The following ALDH1L1 variants were observed in gnomAD, a reference collection of about 807,000 sequenced individuals.
The protein encoded by ALDH1L1 is aldehyde dehydrogenase 1 family member L1.
ALDH1L1 carries 68 observed loss-of-function variants against 101.1 expected under a neutral mutation model. The observed-to-expected ratio is 0.67, with a 90% CI of 0.55 to 0.82. ALDH1L1 has a LOEUF of 0.82. Ranked by LOEUF, ALDH1L1 falls within the 40% of genes least tolerant of loss-of-function variation. The pLI is 0.00. For missense variants in ALDH1L1, 1,087 were observed against 1,172.7 expected (o/e 0.93, Z 1.07); for synonymous variants, 486 against 470.8 (o/e 1.03, Z -0.42).
chr3:126,107,293 G>C, intron 20 of ALDH1L1, 47 bp from the exon 21 acceptor site: 1 of 1,494,142 alleles, frequency 6.7e-7, no homozygotes, highest in Admixed American at 1.7e-5. Context: ...CACGGTGCCC[G>C]ATGGTCCAGC....
At chr3:126,118,654 T>C (rs924579588) in intron 16 of ALDH1L1, among the ~76,000 whole-genome samples, 1 of 152,118 alleles carries the variant, frequency 6.6e-6, no homozygotes, top group Non-Finnish European at 1.5e-5. Flanking sequence ...CTTTTCACCA[T>C]CAGGCAGACC....
At chr3:126,130,365 C>T in intron 13 of ALDH1L1, 72 bp from the exon 14 acceptor site, 1 of 1,362,924 alleles carries the variant, frequency 7.3e-7, no homozygotes. Flanking sequence ...CAGCAAGTCT[C>T]CACCAGGGTC....
chr3:126,158,463 A>G lies in ALDH1L1; in HGVS notation c.304T>C (p.Ser102Pro), dbSNP rs750297538. 1 of 1,613,566 alleles carries G rather than the reference A, an allele frequency of 6.2e-7. No homozygotes were observed. Among genetic ancestry groups the G allele is most frequent in the South Asian group, 1.1e-5 (1 of 90,938 alleles). ...AGCAGTGACGGGTGATAGATGATGG[A>G]GCCATGCCGGGGGGCACTGATTATC... ...MEIISAPRHG[S>P]IIYHPSLLPR... The change falls in exon 3 of 23, where the codon TCC becomes CCC. Residue 102 changes from serine to proline, a missense_variant. By Grantham distance (74) the Ser-to-Pro change is moderately conservative. Transcript: ENST00000393434.
upstream of ALDH1L1, chr3:126,181,230 G>GTGATAATT: frequency 1.7e-6 from 1 of 591,000 alleles, no homozygotes; most frequent in Non-Finnish European, 3.0e-6. Flanking sequence ...CCCGGTCTCA[G>GTGATAATT]GCAAGGCCAT....
At chr3:126,180,823 G>A, upstream of ALDH1L1, 1 of 1,538,234 alleles carries the variant, frequency 6.5e-7, no homozygotes, top group Non-Finnish European at 8.7e-7. Flanking sequence ...AGAATTCCCA[G>A]GGCTTTGAAA....
chr3:126,125,250 G>A (rs2080158213), intron 15 of ALDH1L1, among the ~76,000 whole-genome samples: 1 of 152,216 alleles, frequency 6.6e-6, no homozygotes, highest in Non-Finnish European at 1.5e-5. Context: ...AGCCACATAA[G>A]GGACATGGCA....
At chr3:126,169,358 A>G (rs1349440620) in intron 1 of ALDH1L1, among the ~76,000 whole-genome samples, 1 of 152,204 alleles carries the variant, frequency 6.6e-6, no homozygotes, top group African/African-American at 2.4e-5. Flanking sequence ...TTAAAGGACA[A>G]CACTACAGTT....
upstream of ALDH1L1, among the ~76,000 whole-genome samples, chr3:126,186,175 A>G (rs559889798): frequency 1.3e-5 from 2 of 152,370 alleles, no homozygotes; most frequent in East Asian, 3.9e-4. Context: ...TTAAAATGGT[A>G]AATTTTGGGT....
intron 18 of ALDH1L1, 91 bp from the exon 19 acceptor site, chr3:126,112,971 G>A: frequency 2.6e-6 from 3 of 1,149,420 alleles, no homozygotes; most frequent in Non-Finnish European, 3.8e-6. Context: ...CTTCTAATTA[G>A]GAAAGGAGGC....
intron 14 of ALDH1L1, among the ~76,000 whole-genome samples, chr3:126,126,965 T>C (rs1329145478): frequency 6.6e-6 from 1 of 152,170 alleles, no homozygotes; most frequent in Non-Finnish European, 1.5e-5. Flanking sequence ...GGGGTCTCCC[T>C]GCAAGCCAAG....
At chr3:126,164,318 T>C (rs2081120968) in intron 1 of ALDH1L1, among the ~76,000 whole-genome samples, 1 of 152,224 alleles carries the variant, frequency 6.6e-6, no homozygotes, top group South Asian at 2.1e-4. Flanking sequence ...GTTTGATATA[T>C]GAACATATTG....
Position 126,103,771 on chromosome 3 carries a change from C to T in ALDH1L1, c.*20G>A. 6.2e-7 allele frequency: 1 copy of T among 1,612,354 alleles called. No individual in the cohort carries two copies. Among genetic ancestry groups the T allele is most frequent in the Non-Finnish European group, 8.5e-7 (1 of 1,179,206 alleles). ...GCCACGAGGGAGGGGCAGGGACTTTCTTCTCACAAAGACCTTTCTTCAGTA... is the reference window on the plus strand; with the variant it reads ...GCCACGAGGGAGGGGCAGGGACTTTTTTCTCACAAAGACCTTTCTTCAGTA... On this transcript the variant is annotated 3_prime_UTR_variant, in exon 23 of 23. Coordinates refer to ENST00000393434, the MANE Select transcript of ALDH1L1 (RefSeq NM_012190.4).
At chr3:126,153,268 C>T in intron 7 of ALDH1L1, 176 bp downstream of exon 7, 1 of 935,956 alleles carries the variant, frequency 1.1e-6, no homozygotes, top group Non-Finnish European at 1.7e-6. Flanking sequence ...GCCTCGGACA[C>T]CCTGTGCTCA....
chr3:126,195,540 G>A (rs1007813598), intron 1 of ALDH1L1, among the ~76,000 whole-genome samples: 1 of 152,202 alleles, frequency 6.6e-6, no homozygotes, highest in Non-Finnish European at 1.5e-5. Context: ...CAACCATTGT[G>A]GAAGACAGTG....
intron 1 of ALDH1L1, 68 bp downstream of exon 1, chr3:126,180,408 C>T (rs957442528): frequency 1.0e-6 from 1 of 978,226 alleles, no homozygotes; most frequent in Non-Finnish European, 1.2e-6. Context: ...CCGGAGCCCC[C>T]GGAGCTGCAG....
In ALDH1L1 at chr3:126,157,445, G is replaced by A; in HGVS notation, c.426C>T (p.Asp142=). Residue 142 remains aspartate (D), a synonymous_variant, in exon 4 of 23, where the codon GAC becomes GAT. Coordinates refer to ENST00000393434, the MANE Select transcript of ALDH1L1 (RefSeq NM_012190.4). The part of the protein sequence containing the change: ...FSIFWADDGL[D]TGDLLLQKEC... ...CCTTCTGCAGCAGCAGGTCTCCGGT[G>A]TCCAGACCATCATCCGCCCAGAAGA... 6.2e-7 allele frequency: 1 copy of A among 1,614,158 alleles called. No homozygotes were observed. The highest frequency in any genetic ancestry group is 1.1e-5 in the South Asian group (1 of 91,066).
chr3:126,155,479 C>T lies in ALDH1L1; in HGVS notation c.553G>A (p.Glu185Lys). 1 of 1,613,026 alleles carries T rather than the reference C, an allele frequency of 6.2e-7. No individual in the cohort carries two copies. The highest frequency in any genetic ancestry group is 8.5e-7 in the Non-Finnish European group (1 of 1,179,614). The change falls in exon 5 of 23, where the codon GAG becomes AAG. Residue 185 changes from glutamate to lysine, a missense_variant. This residue lies in a region of ALDH1L1 where 645 missense variants were observed against 637.0 expected (regional missense o/e 1.01). Transcript: ENST00000393434. ...GMVQAVRLIA[E>K]GKAPRLPQPE... ...TGAGGGAGTCTGGGGGCTTTGCCCTCAGCGATCAGCCTCACGGCCTGCACC... is the reference window on the plus strand; with the variant it reads ...TGAGGGAGTCTGGGGGCTTTGCCCTTAGCGATCAGCCTCACGGCCTGCACC...
chr3:126,146,314 C>T (rs1417102726), intron 9 of ALDH1L1, among the ~76,000 whole-genome samples: 1 of 152,006 alleles, frequency 6.6e-6, no homozygotes, highest in Admixed American at 6.5e-5. Flanking sequence ...CTCCTGGAAC[C>T]CACCACCACC....
At chr3:126,194,939 C>A (rs1284702031) in intron 1 of ALDH1L1, among the ~76,000 whole-genome samples, 1 of 152,014 alleles carries the variant, frequency 6.6e-6, no homozygotes, top group African/African-American at 2.4e-5. Context: ...TGTACACAGA[C>A]CATCTACAAC....
Sources: gnomAD v4.1 joint callset for allele counts (sites outside exome capture counted in the v4.1 genomes callset) on GRCh38, gnomAD v4.1.1 for gene constraint, gnomAD v4.1.1 regional missense constraint, MANE v1.5 for transcripts, NCBI Gene and HGNC (gene_info 2026-07-23, HGNC 2026-07-21) for gene names.